NELL2: variants seen among roughly 807,000 people sequenced by gnomAD.
NELL2 encodes protein kinase C-binding protein NELL2.
Under a neutral mutation model 109.6 loss-of-function variants are expected in NELL2, and 41 were observed. That is an observed-to-expected ratio of 0.37 (90% confidence interval 0.29 to 0.49). NELL2 has a LOEUF of 0.49. Ranked by LOEUF, NELL2 falls within the 20% of genes least tolerant of loss-of-function variation. The pLI, the probability that NELL2 is intolerant of heterozygous loss-of-function variation, is 0.98. For synonymous variants in NELL2, 355 were observed against 344.7 expected (o/e 1.03, Z -0.33); for missense variants, 900 against 1,008.3 (o/e 0.89, Z 1.45).
chr12:44,628,021 C>T (rs968540055), intron 13 of NELL2, among the ~76,000 whole-genome samples: 9 of 152,014 alleles, frequency 5.9e-5, no homozygotes, highest in African/African-American at 2.2e-4. Flanking sequence ...CAGCAAAAAC[C>T]AATGAATAAA....
At chr12:44,912,753 T>C (rs929902054) in intron 1 of NELL2, among the ~76,000 whole-genome samples, 2 of 152,178 alleles carry the variant, frequency 1.3e-5, no homozygotes, top group Admixed American at 6.5e-5. Flanking sequence ...ATAATAGTAG[T>C]TTCCTACTAA....
chr12:44,567,731 T>C (rs1468452728), intron 15 of NELL2, among the ~76,000 whole-genome samples: 4 of 152,296 alleles, frequency 2.6e-5, no homozygotes, highest in Middle Eastern at 3.4e-3. Flanking sequence ...GATCCTGGCA[T>C]TCACCTCATA....
intron 1 of NELL2, among the ~76,000 whole-genome samples, chr12:44,906,139 C>T (rs577487130): frequency 3.0e-4 from 45 of 151,884 alleles, no homozygotes; most frequent in Admixed American, 8.5e-4. Flanking sequence ...TGAGCTATGA[C>T]GATATCTTAG....
In NELL2 at chr12:44,686,399, C is replaced by A. The variant is rs565919051; in HGVS notation, c.1318+17327G>T. 1.8e-4 allele frequency among the ~76,000 whole-genome samples: 28 copies of A among 152,288 alleles called. No individual in the cohort carries two copies. In the South Asian group the frequency reaches 5.2e-3, roughly 28 times the overall value. ...CTCGGAGTAATTTGATCGTCTGAAG[C>A]CTTCTTCTCTCAGCTCGTCAAAGTC... On this transcript the variant is annotated intron_variant, in intron 12 of 19. Coordinates refer to ENST00000429094, the MANE Select transcript of NELL2 (RefSeq NM_001145108.2).
At chr12:44,532,193 C>A (rs1414740973) in intron 16 of NELL2, among the ~76,000 whole-genome samples, 1 of 152,136 alleles carries the variant, frequency 6.6e-6, no homozygotes, top group African/African-American at 2.4e-5. Flanking sequence ...TTGGCCACAT[C>A]ATCATTGCAT....
chr12:44,523,755 G>T, intron 16 of NELL2: 1 of 402,140 alleles, frequency 2.5e-6, no homozygotes, highest in South Asian at 3.5e-5. Flanking sequence ...TAGGCTTTAT[G>T]AAACATTTTT....
chr12:44,603,346 G>A (rs1945286625), intron 15 of NELL2, among the ~76,000 whole-genome samples: 1 of 152,012 alleles, frequency 6.6e-6, no homozygotes, highest in African/African-American at 2.4e-5. Context: ...AGTGCTTGTA[G>A]GGGACTGTCA....
intron 19 of NELL2, among the ~76,000 whole-genome samples, chr12:44,519,281 G>T (rs1941413799): frequency 1.3e-5 from 2 of 152,170 alleles, no homozygotes; most frequent in Non-Finnish European, 2.9e-5. Flanking sequence ...AAGCATAATG[G>T]CCACAAAATT....
intron 9 of NELL2, among the ~76,000 whole-genome samples, chr12:44,750,742 C>A (rs1940615740): frequency 6.6e-6 from 1 of 151,940 alleles, no homozygotes; most frequent in Admixed American, 6.6e-5. Context: ...AGATATACCG[C>A]ACATATCCAG....
At chr12:44,804,454 A>G (rs1450543) in intron 3 of NELL2, among the ~76,000 whole-genome samples, 109,379 of 151,706 alleles carry the variant, frequency 0.72, 39,721 homozygotes, top group Non-Finnish European at 0.76. Flanking sequence ...CATAAACTCC[A>G]CTGTCAATTA....
rs372402006 is a variant in NELL2 at position 44,821,205 on chromosome 12, C to T, written c.185-5069G>A. ...CAAAGCCCTGGAGACTTGATAGCAGCAACAATTACTACTTCCTTTTTTAAA... is the reference window on the plus strand; with the variant it reads ...CAAAGCCCTGGAGACTTGATAGCAGTAACAATTACTACTTCCTTTTTTAAA... On this transcript the variant is annotated intron_variant, in intron 2 of 19. Transcript: ENST00000429094. Among the ~76,000 whole-genome samples, 11 of 152,134 alleles carry T rather than the reference C, an allele frequency of 7.2e-5. No individual in the cohort carries two copies. The East Asian group carries it at 2.1e-3, about 29-fold the overall frequency.
At chr12:44,698,284 C>A (rs570836322) in intron 12 of NELL2, among the ~76,000 whole-genome samples, 1 of 152,210 alleles carries the variant, frequency 6.6e-6, no homozygotes, top group African/African-American at 2.4e-5. Flanking sequence ...TAATTCAATT[C>A]ATAACTCAGA....
At chr12:44,823,836 C>A (rs1171356805) in intron 2 of NELL2, among the ~76,000 whole-genome samples, 1 of 152,098 alleles carries the variant, frequency 6.6e-6, no homozygotes, top group African/African-American at 2.4e-5. Context: ...ATGGCTGTAC[C>A]AATTTACGTT....
chr12:44,856,560 G>T (rs937649641), intron 2 of NELL2, among the ~76,000 whole-genome samples: 1 of 152,176 alleles, frequency 6.6e-6, no homozygotes, highest in African/African-American at 2.4e-5. Flanking sequence ...CGGAAAACAT[G>T]CAGCTGTCTG....
chr12:44,912,110 G>C (rs941755874), intron 1 of NELL2, among the ~76,000 whole-genome samples: 1 of 151,840 alleles, frequency 6.6e-6, no homozygotes, highest in Admixed American at 6.6e-5. Flanking sequence ...CCCACACAGA[G>C]AGAAAAAAAT....
At chr12:44,745,967 CA>C (rs1171604946) in intron 9 of NELL2, among the ~76,000 whole-genome samples, 7 of 151,964 alleles carry the variant, frequency 4.6e-5, no homozygotes, top group African/African-American at 1.7e-4. Flanking sequence ...CATATGGAAC[CA>C]AAAAAGAGCC....
intron 13 of NELL2, among the ~76,000 whole-genome samples, chr12:44,640,561 A>G (rs1413962705): frequency 6.6e-6 from 1 of 152,216 alleles, no homozygotes; most frequent in Admixed American, 6.5e-5. Context: ...TACATTCTAC[A>G]TTGTGTAGAT....
At chr12:44,679,797 A>G (rs1262231932) in intron 12 of NELL2, among the ~76,000 whole-genome samples, 1 of 152,086 alleles carries the variant, frequency 6.6e-6, no homozygotes, top group Non-Finnish European at 1.5e-5. Context: ...TTCTCCGCCA[A>G]TCTAAATTGG....
At chr12:44,572,030 A>G (rs191287376) in intron 15 of NELL2, among the ~76,000 whole-genome samples, 72 of 151,544 alleles carry the variant, frequency 4.8e-4, no homozygotes, top group Admixed American at 2.1e-3. Context: ...GAAAAAAAGG[A>G]CTCTTTCTTT....
Sources: allele counts gnomAD v4.1 joint callset (sites outside exome capture counted in the v4.1 genomes callset), GRCh38; gene constraint gnomAD v4.1.1; transcripts MANE v1.5; gene names NCBI Gene and HGNC (gene_info 2026-07-23, HGNC 2026-07-21).